TSPAN5: variants seen among roughly 807,000 people sequenced by gnomAD.
TSPAN5 encodes tetraspanin 5.
In TSPAN5, 10 loss-of-function variants were observed where a neutral mutation model predicts 37.1. That is an observed-to-expected ratio of 0.27 (90% CI 0.17 to 0.46). TSPAN5 has a LOEUF of 0.46. TSPAN5 is among the 20% of genes least tolerant of loss of function. The probability of loss-of-function intolerance (pLI) is 1.00; values close to 1 mark genes in which losing one functional copy is unlikely to be tolerated. For missense variants in TSPAN5, 195 were observed against 326.6 expected, an observed-to-expected ratio of 0.60 and a Z score of 3.11; for synonymous variants, 110 against 118.9, an observed-to-expected ratio of 0.93 and a Z score of 0.48.
At chr4:98,484,152 C>T (rs1227011532) in intron 3 of TSPAN5, 1 of 247,734 alleles carries the variant, frequency 4.0e-6, no homozygotes, top group Non-Finnish European at 8.0e-6. Flanking sequence ...AGTCCAAATT[C>T]AATTCATATA....
chr4:98,476,233 A>C lies in TSPAN5; in HGVS notation c.697T>G (p.Leu233Val). The C allele has an allele frequency of 6.2e-7, 1 of 1,614,242 alleles. No homozygotes were observed. Among genetic ancestry groups the C allele is most frequent in the Non-Finnish European group, 8.5e-7 (1 of 1,180,040 alleles). ...ATGAAAATACCAGCAACGATGGTTA[A>C]ATTGTCCTGCAACCACTTCTCAAAC... ...PQFEKWLQDNLTIVAGIFIGI... is the reference protein window; with the variant it reads ...PQFEKWLQDNVTIVAGIFIGI... The change falls in exon 7 of 8, where the codon TTA becomes GTA. Residue 233 changes from leucine to valine, a missense_variant. Leu to Val is a conservative substitution (Grantham distance 32). Coordinates refer to ENST00000305798, the MANE Select transcript of TSPAN5 (RefSeq NM_005723.4).
At chr4:98,625,704 G>A (rs1756583912) in intron 1 of TSPAN5, among the ~76,000 whole-genome samples, 12 of 152,080 alleles carry the variant, frequency 7.9e-5, no homozygotes, top group Admixed American at 7.9e-4. Flanking sequence ...ATTTCCTCTT[G>A]AATACATTTA....
rs994301983 is a variant in TSPAN5, at chr4:98,587,229, G to A, written c.81+70917C>T. Among the ~76,000 whole-genome samples, 4 of 152,242 alleles carry A rather than the reference G, an allele frequency of 2.6e-5. No individual in the cohort carries two copies. The East Asian group carries it at 5.8e-4, about 22-fold the overall frequency. On this transcript the variant is annotated intron_variant, in intron 1 of 7. Transcript: ENST00000305798. ...TGCTCTGGGGGACATGGGCAGAGAA[G>A]AAGCAACAGCACTGTGTGTGCCAGT...
chr4:98,500,818 G>A (rs1448906780), intron 2 of TSPAN5, among the ~76,000 whole-genome samples: 2 of 152,180 alleles, frequency 1.3e-5, no homozygotes, highest in South Asian at 2.1e-4. Context: ...GAGAATAAAG[G>A]GCAAAGACAG....
At chr4:98,584,037 CTACTAT>C (rs1755429206) in intron 1 of TSPAN5, among the ~76,000 whole-genome samples, 1 of 152,172 alleles carries the variant, frequency 6.6e-6, no homozygotes, top group Admixed American at 6.5e-5. Flanking sequence ...CCAGGGGACC[CTACTAT>C]ATACCCTAAT....
chr4:98,578,653 C>G (rs1007248961), intron 1 of TSPAN5, among the ~76,000 whole-genome samples: 1 of 152,112 alleles, frequency 6.6e-6, no homozygotes, highest in African/African-American at 2.4e-5. Context: ...CTCCTGACCT[C>G]GAGTGATCTG....
intron 7 of TSPAN5, among the ~76,000 whole-genome samples, 161 bp downstream of exon 7, chr4:98,476,028 T>C (rs769701345): frequency 6.6e-6 from 1 of 151,886 alleles, no homozygotes; most frequent in Non-Finnish European, 1.5e-5. Context: ...AATAAATGAA[T>C]AAAATAAAAC....
At chr4:98,540,480 G>A (rs1328595136) in intron 1 of TSPAN5, among the ~76,000 whole-genome samples, 3 of 152,152 alleles carry the variant, frequency 2.0e-5, no homozygotes, top group African/African-American at 7.2e-5. Flanking sequence ...TGGGATTACA[G>A]GCACGTGCCA....
At chr4:98,527,530 A>G (rs182686029) in intron 1 of TSPAN5, among the ~76,000 whole-genome samples, 35 of 152,370 alleles carry the variant, frequency 2.3e-4, no homozygotes, top group Non-Finnish European at 5.9e-5. Context: ...CCATGAAGCT[A>G]ATGACTTATC....
intron 1 of TSPAN5, among the ~76,000 whole-genome samples, chr4:98,618,817 G>T (rs538341458): frequency 1.3e-5 from 2 of 152,272 alleles, no homozygotes; most frequent in South Asian, 4.1e-4. Context: ...TGACTGCCCT[G>T]AAAATTTACA....
chr4:98,636,410 T>C lies in TSPAN5; in HGVS notation c.81+21736A>G, dbSNP rs563267416. On this transcript the variant is annotated intron_variant, in intron 1 of 7. Transcript: ENST00000305798. ...TGACAAGTAGGCAAGGTTCCTATAA[T>C]GGTGCCTAGCTTTAATCTTTTCCAA... Among the ~76,000 whole-genome samples, 5 of 152,328 alleles carry C rather than the reference T, an allele frequency of 3.3e-5. No individual in the cohort carries two copies. The East Asian group carries it at 5.8e-4, about 18-fold the overall frequency.
At chr4:98,531,262 C>T (rs183979449) in intron 1 of TSPAN5, among the ~76,000 whole-genome samples, 7 of 152,134 alleles carry the variant, frequency 4.6e-5, no homozygotes, top group African/African-American at 1.2e-4. Context: ...ATGTTCCCTT[C>T]CCTGTGTCCG....
In TSPAN5 at chr4:98,645,479, G is replaced by A. The variant is rs149303626; in HGVS notation, c.81+12667C>T. Among the ~76,000 whole-genome samples the A allele has an allele frequency of 4.6e-5, 7 of 152,298 alleles. No homozygotes were observed. The East Asian group carries it at 1.2e-3, about 25-fold the overall frequency. On this transcript the variant is annotated intron_variant, in intron 1 of 7. Coordinates refer to ENST00000305798, the MANE Select transcript of TSPAN5 (RefSeq NM_005723.4). ...ACCTGGGCATTTGTTAAAGGTACTG[G>A]ATCTTTGTCCCCTCTCACTCCTACT...
Position 98,594,163 on chromosome 4 carries a change from T to G in TSPAN5, c.81+63983A>C, listed in dbSNP as rs1408924797. ...TTGAAGAGGTCCTTCACATCCCTTG[T>G]AAGTTGGATTCCTAGGTATTTTATT... On this transcript the variant is annotated intron_variant, in intron 1 of 7. Transcript: ENST00000305798. Among the ~76,000 whole-genome samples, 5 of 127,278 alleles carry G rather than the reference T, an allele frequency of 3.9e-5. 2 individuals carry two copies. The highest frequency in any genetic ancestry group is 1.9e-4 in the African/African-American group (5 of 27,018). 83.5% of individuals were successfully genotyped at this position (127,278 alleles called of 152,430 possible). A position where few individuals can be genotyped will look rare whatever the true frequency, so the allele number is the denominator to read the frequency against.
intron 1 of TSPAN5, among the ~76,000 whole-genome samples, chr4:98,621,928 C>T (rs998830414): frequency 2.6e-5 from 4 of 152,104 alleles, no homozygotes; most frequent in Non-Finnish European, 5.9e-5. Flanking sequence ...ATGTTTTCCA[C>T]GTTCATCCAT....
intron 1 of TSPAN5, among the ~76,000 whole-genome samples, chr4:98,518,349 A>T (rs1210853147): frequency 6.6e-6 from 1 of 152,212 alleles, no homozygotes; most frequent in African/African-American, 2.4e-5. Context: ...GGTGCCAGGG[A>T]TAGAAGGGTG....
intron 1 of TSPAN5, among the ~76,000 whole-genome samples, chr4:98,557,131 T>C (rs1754767744): frequency 6.6e-6 from 1 of 150,584 alleles, no homozygotes; most frequent in Admixed American, 6.7e-5. Flanking sequence ...AAGGATGTCT[T>C]TGATAGTAAC....
At chr4:98,570,436 A>T (rs1466938077) in intron 1 of TSPAN5, among the ~76,000 whole-genome samples, 1 of 152,234 alleles carries the variant, frequency 6.6e-6, no homozygotes, top group Non-Finnish European at 1.5e-5. Flanking sequence ...CATCTGGCAC[A>T]AAGTTTCCAA....
chr4:98,587,224 GAGA>G (rs1304525298), intron 1 of TSPAN5, among the ~76,000 whole-genome samples: 1 of 152,230 alleles, frequency 6.6e-6, no homozygotes, highest in African/African-American at 2.4e-5. Context: ...GACATGGGCA[GAGA>G]AGAAGCAACA....
Sources: allele counts gnomAD v4.1 joint callset (sites outside exome capture counted in the v4.1 genomes callset), GRCh38; gene constraint gnomAD v4.1.1; transcripts MANE v1.5; gene names NCBI Gene and HGNC (gene_info 2026-07-23, HGNC 2026-07-21).